CDC73: variants seen among roughly 807,000 people sequenced by gnomAD.
CDC73 encodes the protein parafibromin.
In CDC73, 21 loss-of-function variants were observed where a neutral mutation model predicts 83.7. The ratio of observed to expected loss-of-function variants is 0.25; its 90% confidence interval spans 0.18 to 0.36. The LOEUF (loss-of-function observed/expected upper bound fraction) is 0.36, where lower values mean the gene tolerates loss of function less well. Among genes scored for constraint, CDC73 ranks in the 10% least tolerant of loss-of-function variants. The probability of loss-of-function intolerance (pLI) is 1.00; values close to 1 mark genes in which losing one functional copy is unlikely to be tolerated. For missense variants in CDC73, 342 were observed against 653.3 expected (o/e 0.52, Z 5.19); for synonymous variants, 224 against 212.9 (o/e 1.05, Z -0.45).
At chr1:193,134,564 G>A (rs1245854201) in intron 3 of CDC73, among the ~76,000 whole-genome samples, 3 of 152,086 alleles carry the variant, frequency 2.0e-5, no homozygotes, top group Admixed American at 6.5e-5. Context: ...CCAGCTACTC[G>A]GGAGGCTGAG....
chr1:193,188,900 G>C (rs1676871861), intron 10 of CDC73, among the ~76,000 whole-genome samples: 1 of 151,366 alleles, frequency 6.6e-6, no homozygotes, highest in Non-Finnish European at 1.5e-5. Context: ...TACTTAACTG[G>C]AATTTACTTC....
chr1:193,211,874 A>G (rs369162548), intron 11 of CDC73, among the ~76,000 whole-genome samples, 191 bp from the exon 12 acceptor site: 1 of 152,216 alleles, frequency 6.6e-6, no homozygotes, highest in East Asian at 1.9e-4. Context: ...TTTTGACTAC[A>G]GATTGTTGAA....
At chr1:193,144,331 C>A (rs1675957533) in intron 7 of CDC73, among the ~76,000 whole-genome samples, 1 of 151,812 alleles carries the variant, frequency 6.6e-6, no homozygotes, top group Non-Finnish European at 1.5e-5. Context: ...AAAAGGAGAT[C>A]ACTAGAAGGA....
At chr1:193,170,660 T>C (rs1346705335) in intron 10 of CDC73, among the ~76,000 whole-genome samples, 2 of 152,220 alleles carry the variant, frequency 1.3e-5, no homozygotes, top group African/African-American at 4.8e-5. Flanking sequence ...AAGTTCCATA[T>C]AGATGCTGGA....
chr1:193,169,865 A>G (rs1026194817), intron 10 of CDC73, among the ~76,000 whole-genome samples: 2 of 151,956 alleles, frequency 1.3e-5, no homozygotes, highest in East Asian at 1.9e-4. Flanking sequence ...AACTTGTGTC[A>G]TGGGGGTTTG....
intron 1 of CDC73, among the ~76,000 whole-genome samples, chr1:193,123,213 AGTTT>A (rs1675497024): frequency 6.6e-6 from 1 of 152,062 alleles, no homozygotes; most frequent in Non-Finnish European, 1.5e-5. Flanking sequence ...AGGGAAATTT[AGTTT>A]GTTGGTTGGT....
At chr1:193,126,135 A>T (rs1370449040) in intron 2 of CDC73, among the ~76,000 whole-genome samples, 1 of 152,174 alleles carries the variant, frequency 6.6e-6, no homozygotes, top group Non-Finnish European at 1.5e-5. Flanking sequence ...ATTTATAGAG[A>T]TGTTTAGAAA....
intron 10 of CDC73, chr1:193,180,858 C>A: frequency 6.2e-7 from 1 of 1,613,906 alleles, no homozygotes; most frequent in South Asian, 1.1e-5. Context: ...CAACCCAGTT[C>A]ATGCCCATTA....
At chr1:193,147,115 C>T (rs974447627) in intron 7 of CDC73, among the ~76,000 whole-genome samples, 1 of 151,894 alleles carries the variant, frequency 6.6e-6, no homozygotes, top group Non-Finnish European at 1.5e-5. Flanking sequence ...GCCTCAGCCT[C>T]CCAAGTAGCT....
intron 10 of CDC73, among the ~76,000 whole-genome samples, chr1:193,163,151 T>TG (rs1491164364): frequency 9.8e-4 from 39 of 39,878 alleles, no homozygotes; most frequent in South Asian, 3.4e-3. Flanking sequence ...CTTTGTGGGG[T>TG]TGTGTGTGTG....
intron 10 of CDC73, among the ~76,000 whole-genome samples, chr1:193,199,970 G>A (rs955341764): frequency 1.4e-4 from 21 of 151,418 alleles, no homozygotes; most frequent in African/African-American, 3.4e-4. Context: ...CAGGCCAAGC[G>A]TGGTGGTACA....
chr1:193,248,765 C>A (rs564804645), intron 15 of CDC73, among the ~76,000 whole-genome samples: 4 of 151,968 alleles, frequency 2.6e-5, no homozygotes, highest in African/African-American at 7.2e-5. Flanking sequence ...AGTGAACTAG[C>A]ATTAGAAGTG....
chr1:193,232,764 G>A lies in CDC73; in HGVS notation c.1155-229G>A, dbSNP rs182840384. Among the ~76,000 whole-genome samples the A allele has an allele frequency of 2.1e-3, 321 of 152,094 alleles. 1 individual carries two copies. The highest frequency in any genetic ancestry group is 7.4e-3 in the African/African-American group (307 of 41,474). ...AAAAATACAAAAAAATTAGCTGGGC[G>A]TGGTGGCGGTCACCTGTAATCTCAG... On this transcript the variant is annotated intron_variant, in intron 13 of 16. Coordinates refer to ENST00000367435, the MANE Select transcript of CDC73 (RefSeq NM_024529.5).
intron 10 of CDC73, among the ~76,000 whole-genome samples, chr1:193,165,107 A>G (rs1278217185): frequency 1.3e-5 from 2 of 152,090 alleles, no homozygotes; most frequent in Non-Finnish European, 2.9e-5. Context: ...CCCAGGTTGG[A>G]CTTGAACTCT....
At chr1:193,188,582 C>G (rs1676863771) in intron 10 of CDC73, among the ~76,000 whole-genome samples, 1 of 152,000 alleles carries the variant, frequency 6.6e-6, no homozygotes, top group Non-Finnish European at 1.5e-5. Flanking sequence ...TTAGGCATAG[C>G]TTATTAAGTA....
chr1:193,177,226 T>G (rs1032797136), intron 10 of CDC73, among the ~76,000 whole-genome samples: 1 of 151,326 alleles, frequency 6.6e-6, no homozygotes, highest in African/African-American at 2.4e-5. Flanking sequence ...GTGTAATGAT[T>G]AAGAACATGA....
intron 10 of CDC73, among the ~76,000 whole-genome samples, chr1:193,176,605 T>G (rs1391884843): frequency 6.6e-6 from 1 of 152,246 alleles, no homozygotes; most frequent in Non-Finnish European, 1.5e-5. Context: ...GGGATTAATG[T>G]CTAAATGATA....
At position 193,194,743 on chromosome 1, in the gene CDC73, C is replaced by T. The variant is rs145217136; in HGVS notation, c.973-9052C>T. ...GATGTCATTTTTTAATCAGTAGGTA[C>T]GTAAATGAAAAAAGTTTTTCTAATA... On this transcript the variant is annotated intron_variant, in intron 10 of 16. Transcript: ENST00000367435. Among the ~76,000 whole-genome samples the T allele has an allele frequency of 4.1e-4, 62 of 152,062 alleles. No homozygotes were observed. In the East Asian group the frequency reaches 0.011, roughly 27 times the overall value.
intron 3 of CDC73, among the ~76,000 whole-genome samples, chr1:193,134,718 G>A (rs975165115): frequency 1.4e-4 from 22 of 152,236 alleles, no homozygotes; most frequent in African/African-American, 5.1e-4. Context: ...AGGGTTATGG[G>A]AGATAAGTTG....
Sources: allele counts gnomAD v4.1 joint callset (sites outside exome capture counted in the v4.1 genomes callset), GRCh38; gene constraint gnomAD v4.1.1; transcripts MANE v1.5; gene names NCBI Gene and HGNC (gene_info 2026-07-23, HGNC 2026-07-21).